Variants in ADAT2 observed in about 807,000 individuals in gnomAD.
ADAT2 encodes tRNA-specific adenosine-34 deaminase catalytic subunit ADAT2.
Under a neutral mutation model 25.9 loss-of-function variants are expected in ADAT2, and 26 were observed. The ratio of observed to expected loss-of-function variants is 1.00; its 90% confidence interval spans 0.74 to 1.39. ADAT2 has a LOEUF of 1.39. ADAT2 is among the 40% of genes most tolerant of loss of function. The pLI is 0.00. For synonymous variants in ADAT2, 76 were observed against 86.8 expected (o/e 0.88, Z 0.69); for missense variants, 220 against 244.8 (o/e 0.90, Z 0.68).
chr6:143,445,202 C>T (rs1487412303), intron 1 of ADAT2, among the ~76,000 whole-genome samples: 2 of 151,926 alleles, frequency 1.3e-5, no homozygotes, highest in African/African-American at 4.8e-5. Context: ...CACTGAAGGT[C>T]TCCCAACTAT....
At chr6:143,431,354 T>A (rs1562637101) in intron 4 of ADAT2, among the ~76,000 whole-genome samples, 1 of 152,260 alleles carries the variant, frequency 6.6e-6, no homozygotes. Context: ...GACTCATCTT[T>A]GTTCTGCCCA....
chr6:143,450,569 C>T lies in ADAT2; in HGVS notation c.90G>A (p.Met30Ile), dbSNP rs1338635862. The change falls in exon 1 of 6, where the codon ATG (methionine) becomes ATA (isoleucine). Residue 30 changes from methionine (M) to isoleucine (I), a missense_variant. Coordinates refer to ENST00000237283, the MANE Select transcript of ADAT2 (RefSeq NM_182503.3). Reference sequence around the variant, plus strand: ...TACCTCCCGGGCTCCTCACCATGTGCATCGCCTCCTCCATCCACTTTTCGG... The same window carrying T: ...TACCTCCCGGGCTCCTCACCATGTGTATCGCCTCCTCCATCCACTTTTCGG... ...EETEKWMEEA[M>I]HMAKEALENT... The T allele has an allele frequency of 1.2e-6, 2 of 1,614,148 alleles. No individual in the cohort carries two copies. The highest frequency in any genetic ancestry group is 3.3e-5 in the Admixed American group (2 of 60,032).
At chr6:143,433,792 G>A (rs771246662) in intron 3 of ADAT2, 39 bp downstream of exon 3, 19 of 1,568,032 alleles carry the variant, frequency 1.2e-5, no homozygotes, top group African/African-American at 6.7e-5. Context: ...TTGTTCACAC[G>A]AATGGTACGA....
intron 4 of ADAT2, among the ~76,000 whole-genome samples, chr6:143,430,615 G>A (rs1259619743): frequency 2.6e-5 from 4 of 152,104 alleles, no homozygotes; most frequent in Non-Finnish European, 2.9e-5. Flanking sequence ...AGGCTGGAGT[G>A]CAGTGGCGCA....
rs777036936 is a variant in ADAT2, at chr6:143,450,605, C to A, written c.54G>T (p.Ser18=). The A allele has an allele frequency of 5.6e-6, 9 of 1,613,998 alleles. No homozygotes were observed. Among genetic ancestry groups the A allele is most frequent in the Admixed American group, 1.7e-5 (1 of 60,012 alleles). Residue 18 remains serine, a synonymous_variant, in exon 1 of 6, where the codon TCG becomes TCT. Transcript: ENST00000237283. ...CCATCCACTTTTCGGTCTCCTCTGC[C>A]GACACCGAGCACGCGCCGCTTGCAG... ...KPAASGACSV[S]AEETEKWMEE...
rs1217006248 is a variant in ADAT2 at position 143,446,560 on chromosome 6, T to C, written c.96+4003A>G. Among the ~76,000 whole-genome samples the C allele has an allele frequency of 1.3e-5, 2 of 152,064 alleles. No individual in the cohort carries two copies. The highest frequency in any genetic ancestry group is 2.9e-5 in the Non-Finnish European group (2 of 68,000). ...TTGGGGAAAGTATATGCCTCGGCAA[T>C]TCACAGAAGAAAAAAATCTAAATGT... On this transcript the variant is annotated intron_variant, in intron 1 of 5. Transcript: ENST00000237283. This position sits in a 1 kb window ranked among gnomAD's most constrained non-coding sequence, Gnocchi z 5.0.
At chr6:143,443,192 A>G (rs1370492108) in intron 1 of ADAT2, among the ~76,000 whole-genome samples, 1 of 152,050 alleles carries the variant, frequency 6.6e-6, no homozygotes, top group Non-Finnish European at 1.5e-5. Flanking sequence ...AGCGCATGTG[A>G]GAGAGCTGGG....
At chr6:143,449,195 A>T (rs956749830) in intron 1 of ADAT2, among the ~76,000 whole-genome samples, 2 of 152,092 alleles carry the variant, frequency 1.3e-5, no homozygotes, top group African/African-American at 4.8e-5. Context: ...CTACAGGCAC[A>T]TGCCACCATG....
Position 143,432,356 on chromosome 6 carries a change from T to C in ADAT2, c.459+149A>G. 3 of 696,186 alleles carry C rather than the reference T, an allele frequency of 4.3e-6. No individual in the cohort carries two copies. Among genetic ancestry groups the C allele is most frequent in the Non-Finnish European group, 7.3e-6 (3 of 411,414 alleles). 43.1% of individuals were successfully genotyped at this position (696,186 alleles called of 1,614,324 possible). ...TTCCCTGTCATCTTATACTGAGGCA[T>C]AAATGAACTCCACCAGAGGCCCTGA... is the stretch of plus-strand genomic sequence containing the variant. On this transcript the variant is annotated intron_variant, in intron 4 of 5. Transcript: ENST00000237283. This position sits in a 1 kb window ranked among gnomAD's most constrained non-coding sequence, Gnocchi z 4.4.
intron 2 of ADAT2, among the ~76,000 whole-genome samples, chr6:143,435,157 T>TAAAAA (rs1554278578): frequency 2.3e-4 from 28 of 122,070 alleles, no homozygotes; most frequent in Non-Finnish European, 4.1e-4. Context: ...GTGGAGAGTT[T>TAAAAA]AAAAAAAAAA....
At chr6:143,430,574 T>G (rs1333764485) in intron 4 of ADAT2, among the ~76,000 whole-genome samples, 1 of 152,160 alleles carries the variant, frequency 6.6e-6, no homozygotes, top group African/African-American at 2.4e-5. Context: ...ATAATAATTT[T>G]TTTTTTTGAG....
chr6:143,440,912 T>A lies in ADAT2; in HGVS notation c.97-2218A>T, dbSNP rs1779439853. 6.6e-6 allele frequency among the ~76,000 whole-genome samples: 1 copy of A among 152,110 alleles called. No individual in the cohort carries two copies. The highest frequency in any genetic ancestry group is 1.5e-5 in the Non-Finnish European group (1 of 68,024). On this transcript the variant is annotated intron_variant, in intron 1 of 5. Coordinates refer to ENST00000237283, the MANE Select transcript of ADAT2 (RefSeq NM_182503.3). This position sits in a 1 kb window ranked among gnomAD's most constrained non-coding sequence, Gnocchi z 4.5. ...TGAGGATCTTGAGATGGAGAGATTA[T>A]CCCAAATTCAGGTGGGTCCTGAAGG... is the stretch of plus-strand genomic sequence containing the variant.
In ADAT2 at chr6:143,442,286, TGAATGG is replaced by T. The variant is rs371949645; in HGVS notation, c.97-3598_97-3593del. 2.1e-4 allele frequency among the ~76,000 whole-genome samples: 32 copies of T among 152,300 alleles called. No homozygotes were observed. The highest frequency in any genetic ancestry group is 7.5e-4 in the African/African-American group (31 of 41,544). On this transcript the variant is annotated intron_variant, in intron 1 of 5. Coordinates refer to ENST00000237283, the MANE Select transcript of ADAT2 (RefSeq NM_182503.3). This position sits in a 1 kb window ranked among gnomAD's most constrained non-coding sequence, Gnocchi z 4.6. ...TGGATGGATCTCATGGGAATCATGC[TGAATGG>T]AGAAAGCCAAGCCAAATGGTTACAG...
At position 143,432,024 on chromosome 6, in the gene ADAT2, T is replaced by A. The variant is rs1484727002; in HGVS notation, c.459+481A>T. On this transcript the variant is annotated intron_variant, in intron 4 of 5. Coordinates refer to ENST00000237283, the MANE Select transcript of ADAT2 (RefSeq NM_182503.3). The surrounding 1 kb of genome is among the most constrained non-coding windows in gnomAD (Gnocchi z 4.4). The stretch of plus-strand genomic sequence containing the variant: ...TTAAAAAGACACACAAAAAAAGACA[T>A]GAAAATACAGTGATTGCTAGATACT... 6.6e-6 allele frequency among the ~76,000 whole-genome samples: 1 copy of A among 152,052 alleles called. No individual in the cohort carries two copies. The highest frequency in any genetic ancestry group is 1.5e-5 in the Non-Finnish European group (1 of 67,996).
chr6:143,444,900 G>T lies in ADAT2; in HGVS notation c.96+5663C>A. The T allele has an allele frequency of 7.7e-7, 1 of 1,291,326 alleles. No individual in the cohort carries two copies. The highest frequency in any genetic ancestry group is 1.0e-6 in the Non-Finnish European group (1 of 980,062). 80.0% of individuals were successfully genotyped at this position (1,291,326 alleles called of 1,614,324 possible). ...ATAAACTGCTTTCTAGTGATGTCAT[G>T]ATAAAAGGGGGAGAGATGGAAACAG... is the stretch of plus-strand genomic sequence containing the variant. On this transcript the variant is annotated intron_variant, in intron 1 of 5. Coordinates refer to ENST00000237283, the MANE Select transcript of ADAT2 (RefSeq NM_182503.3). The surrounding 1 kb of genome is among the most constrained non-coding windows in gnomAD (Gnocchi z 4.3).
rs72988699 is a variant in ADAT2, at chr6:143,445,299, T to C, written c.96+5264A>G. ...AACCTTTTCAGAGCAGAAATCCCCT[T>C]TTAGACACTGATGAAAGTTATGGAC... On this transcript the variant is annotated intron_variant, in intron 1 of 5. Coordinates refer to ENST00000237283, the MANE Select transcript of ADAT2 (RefSeq NM_182503.3). Among the ~76,000 whole-genome samples, 140 of 152,098 alleles carry C rather than the reference T, an allele frequency of 9.2e-4. 1 individual carries two copies. Among genetic ancestry groups the C allele is most frequent in the Non-Finnish European group, 1.3e-3 (86 of 67,988 alleles).
intron 1 of ADAT2, among the ~76,000 whole-genome samples, chr6:143,447,183 G>C (rs111618389): frequency 0.011 from 1,713 of 152,308 alleles, 26 homozygotes; most frequent in African/African-American, 0.039. Context: ...TGTGGGTGCT[G>C]ACTACTTGAA....
rs1212049877 is a variant in ADAT2 at position 143,425,836 on chromosome 6, G to T, written c.*2627C>A. ...GTTTAAAGAAAAATTAAGAGTTCTT[G>T]CCTACACTGAAGCTCTTGGCCATCT... On this transcript the variant is annotated 3_prime_UTR_variant, in exon 6 of 6. Transcript: ENST00000237283. 1 of 150,538 alleles carries T rather than the reference G, an allele frequency of 6.6e-6. No individual in the cohort carries two copies. Among genetic ancestry groups the T allele is most frequent in the East Asian group, 2.0e-4 (1 of 5,066 alleles). The allele number at this position is 150,538 out of a possible 1,614,324, so 9.3% of individuals were successfully genotyped here. A position where few individuals can be genotyped will look rare whatever the true frequency, so the allele number is the denominator to read the frequency against.
intron 1 of ADAT2, among the ~76,000 whole-genome samples, chr6:143,445,835 G>A (rs1449894629): frequency 1.3e-5 from 2 of 152,132 alleles, no homozygotes; most frequent in Non-Finnish European, 2.9e-5. Context: ...TTGAAATGGT[G>A]TCTGTGGTGT....
Sources: gnomAD v4.1 joint callset for allele counts (sites outside exome capture counted in the v4.1 genomes callset) on GRCh38, gnomAD v4.1.1 for gene constraint, Gnocchi (gnomAD v3.1) non-coding constraint, MANE v1.5 for transcripts, NCBI Gene and HGNC (gene_info 2026-07-23, HGNC 2026-07-21) for gene names.